Variants in DNAAF4 observed in about 807,000 individuals in gnomAD.
DNAAF4 encodes the protein dynein axonemal assembly factor 4.
DNAAF4 carries 43 observed loss-of-function variants against 51.8 expected under a neutral mutation model. The observed-to-expected ratio is 0.83, with a 90% CI of 0.65 to 1.07. The LOEUF (loss-of-function observed/expected upper bound fraction) is 1.07. DNAAF4 is among the 50% of genes least tolerant of loss of function. The probability of loss-of-function intolerance (pLI) is 0.00; values close to 1 mark genes in which losing one functional copy is unlikely to be tolerated. For synonymous variants in DNAAF4, 194 were observed against 165.6 expected (o/e 1.17, Z -1.32); for missense variants, 581 against 493.0 (o/e 1.18, Z -1.69).
At chr15:55,484,130 C>T (rs2058452705) in intron 4 of DNAAF4, among the ~76,000 whole-genome samples, 1 of 151,870 alleles carries the variant, frequency 6.6e-6, no homozygotes, top group Non-Finnish European at 1.5e-5. Flanking sequence ...TCCTTGCACA[C>T]TGTGATGAAA....
At chr15:55,487,416 A>G (rs1212748307) in intron 4 of DNAAF4, among the ~76,000 whole-genome samples, 1 of 152,166 alleles carries the variant, frequency 6.6e-6, no homozygotes, top group African/African-American at 2.4e-5. Flanking sequence ...ACTCTGTAAA[A>G]TGGACCAATC....
At chr15:55,447,368 T>A (rs529730357) in intron 6 of DNAAF4, among the ~76,000 whole-genome samples, 33 of 151,312 alleles carry the variant, frequency 2.2e-4, no homozygotes, top group Non-Finnish European at 4.6e-4. Flanking sequence ...ACTTCCTAGA[T>A]GGGGTGGCGG....
intron 4 of DNAAF4, among the ~76,000 whole-genome samples, chr15:55,476,131 T>C (rs1482175596): frequency 6.6e-6 from 1 of 151,512 alleles, no homozygotes; most frequent in African/African-American, 2.4e-5. Context: ...ACTGAGGGAG[T>C]ATGTTGCTAA....
chr15:55,452,771 C>G (rs2057955491), intron 5 of DNAAF4, among the ~76,000 whole-genome samples: 1 of 152,148 alleles, frequency 6.6e-6, no homozygotes, highest in African/African-American at 2.4e-5. Context: ...CCAGGGTCAT[C>G]TCAAAAGCTG....
rs895055573 is a variant in DNAAF4, at chr15:55,475,320, A to T, written c.406-8159T>A. ...TAAAATTATCAAAAACAACCATTTC[A>T]GGGGACTGGAAATTAACCAAAAGAA... On this transcript the variant is annotated intron_variant, in intron 4 of 9. Coordinates refer to ENST00000321149, the MANE Select transcript of DNAAF4 (RefSeq NM_130810.4). Among the ~76,000 whole-genome samples, 3 of 152,314 alleles carry T rather than the reference A, an allele frequency of 2.0e-5. No homozygotes were observed. The South Asian group carries it at 6.2e-4, about 32-fold the overall frequency.
intron 4 of DNAAF4, among the ~76,000 whole-genome samples, chr15:55,487,855 T>C (rs181831254): frequency 1.2e-3 from 184 of 152,304 alleles, no homozygotes; most frequent in African/African-American, 4.3e-3. Context: ...GTAATGTCAT[T>C]TTCCCATTAT....
At chr15:55,446,148 G>A (rs375226652) in intron 6 of DNAAF4, among the ~76,000 whole-genome samples, 38 of 144,838 alleles carry the variant, frequency 2.6e-4, no homozygotes, top group East Asian at 1.9e-3. Context: ...TCCCAGATGC[G>A]GCAGCCGGGC....
chr15:55,465,803 T>G (rs1465590046), intron 5 of DNAAF4, among the ~76,000 whole-genome samples: 4 of 152,076 alleles, frequency 2.6e-5, no homozygotes, highest in Non-Finnish European at 4.4e-5. Context: ...CAACCTCAGA[T>G]GATCTGCCCG....
At chr15:55,495,208 A>G (rs1441235646) in intron 3 of DNAAF4, 2 of 101,132 alleles carry the variant, frequency 2.0e-5, no homozygotes, top group African/African-American at 2.1e-4. Context: ...GCTCACTAAA[A>G]AAAAAAAAAA....
At chr15:55,469,469 CAATTCTTTTTT>C in intron 4 of DNAAF4, among the ~76,000 whole-genome samples, 1 of 112,282 alleles carries the variant, frequency 8.9e-6, no homozygotes, top group Non-Finnish European at 1.8e-5. Flanking sequence ...CTATGCTTAC[CAATTCTTTTTT>C]TTTTTTTTTT....
rs143493559 is a variant in DNAAF4, at chr15:55,422,981, G to A, written c.1048-4848C>T. On this transcript the variant is annotated intron_variant, in intron 7 of 7. Coordinates refer to the DNAAF4 transcript ENST00000448430. ...CATTGCACTCCAGCCTGGGTGACAA[G>A]CAAAACTCCGTCTCAAAAATAAATA... Among the ~76,000 whole-genome samples, 1,500 of 151,742 alleles carry A rather than the reference G, an allele frequency of 9.9e-3. 20 individuals carry two copies. The highest frequency in any genetic ancestry group is 0.034 in the African/African-American group (1,421 of 41,390).
intron 1 of DNAAF4, among the ~76,000 whole-genome samples, chr15:55,502,643 G>C (rs1371674990): frequency 6.6e-6 from 1 of 152,058 alleles, no homozygotes; most frequent in Non-Finnish European, 1.5e-5. Context: ...GTGATGACTG[G>C]TAAAAAAAAG....
In DNAAF4 at chr15:55,467,129, A is replaced by G. The variant is rs1186275017; in HGVS notation, c.438T>C (p.Asp146=). The G allele has an allele frequency of 2.6e-6, 4 of 1,540,154 alleles. No homozygotes were observed. Among genetic ancestry groups the G allele is most frequent in the Non-Finnish European group, 2.6e-6 (3 of 1,148,496 alleles). ...CTTTTATCCGTTCATTTTCTTTCAT[A>G]TCTTCTATTTTTTTCCTCTCTTCTT... ...IEEEERKKIE[D]MKENERIKAT... is the part of the protein sequence containing the mutation. Residue 146 remains aspartate, a synonymous_variant, in exon 5 of 10, where the codon GAT becomes GAC. Transcript: ENST00000321149.
intron 6 of DNAAF4, among the ~76,000 whole-genome samples, chr15:55,440,046 G>A (rs979546535): frequency 3.9e-5 from 6 of 152,008 alleles, no homozygotes; most frequent in African/African-American, 9.7e-5. Flanking sequence ...GCAGATTAAC[G>A]TACTACTTGA....
At chr15:55,464,643 G>C (rs1439415376) in intron 5 of DNAAF4, among the ~76,000 whole-genome samples, 3 of 152,152 alleles carry the variant, frequency 2.0e-5, no homozygotes, top group Admixed American at 6.5e-5. Context: ...AGTGGGCTAA[G>C]GACATGAATA....
chr15:55,493,664 G>T (rs2058602686), intron 3 of DNAAF4, among the ~76,000 whole-genome samples: 1 of 152,094 alleles, frequency 6.6e-6, no homozygotes, highest in South Asian at 2.1e-4. Context: ...AAAAAAAAAT[G>T]GTTAAATAAA....
At chr15:55,455,407 TA>T (rs2058004494) in intron 5 of DNAAF4, among the ~76,000 whole-genome samples, 2 of 143,282 alleles carry the variant, frequency 1.4e-5, no homozygotes, top group South Asian at 4.3e-4. Context: ...TATATATATA[TA>T]TATATTCAAT....
chr15:55,500,643 C>G (rs1255787715), intron 1 of DNAAF4, among the ~76,000 whole-genome samples: 1 of 152,130 alleles, frequency 6.6e-6, no homozygotes, highest in African/African-American at 2.4e-5. Context: ...AAATTATTCT[C>G]CTGACTACCA....
intron 6 of DNAAF4, chr15:55,442,821 G>A: frequency 6.2e-7 from 1 of 1,612,756 alleles, no homozygotes; most frequent in Non-Finnish European, 8.5e-7. Flanking sequence ...TGTTGAGATT[G>A]GCAGTCATGA....
Sources: gnomAD v4.1 joint callset for allele counts (sites outside exome capture counted in the v4.1 genomes callset) on GRCh38, gnomAD v4.1.1 for gene constraint, MANE v1.5 for transcripts, NCBI Gene and HGNC (gene_info 2026-07-23, HGNC 2026-07-21) for gene names.